Variants in ARMH4 observed in about 807,000 individuals in gnomAD.
The protein encoded by ARMH4 is armadillo-like helical domain-containing protein 4.
ARMH4 carries 49 observed loss-of-function variants against 61.9 expected under a neutral mutation model. The ratio of observed to expected loss-of-function variants is 0.79; its 90% CI spans 0.63 to 1.00. ARMH4 has a LOEUF of 1.00. ARMH4 is among the 50% of genes least tolerant of loss of function. ARMH4 has a pLI of 0.00. For synonymous variants in ARMH4, 368 were observed against 341.5 expected (o/e 1.08, Z -0.85); for missense variants, 934 against 930.0 (o/e 1.00, Z -0.06).
Position 58,087,270 on chromosome 14 carries a change from T to G in ARMH4, c.2089+9454A>C, listed in dbSNP as rs376124163. Among the ~76,000 whole-genome samples, 67 of 152,300 alleles carry G rather than the reference T, an allele frequency of 4.4e-4. 1 individual carries two copies. The South Asian group carries it at 0.01, about 23-fold the overall frequency. ...TAGGAGATCCTACGTAACCTACTAC[T>G]TATAGTATTGCTTCTGTGAACCCTG... is the stretch of plus-strand genomic sequence containing the variant. On this transcript the variant is annotated intron_variant, in intron 5 of 7. Coordinates refer to ENST00000267485, the MANE Select transcript of ARMH4 (RefSeq NM_001001872.4).
At chr14:58,094,198 T>C (rs1885669930) in intron 5 of ARMH4, among the ~76,000 whole-genome samples, 1 of 151,530 alleles carries the variant, frequency 6.6e-6, no homozygotes, top group Admixed American at 6.6e-5. Context: ...GGCATGGGAG[T>C]GGGTACCTGT....
chr14:58,045,903 G>C (rs985793726), intron 5 of ARMH4, among the ~76,000 whole-genome samples: 8 of 152,124 alleles, frequency 5.3e-5, no homozygotes, highest in African/African-American at 1.7e-4. Flanking sequence ...GCAGAGATTA[G>C]AGTGAGCAAT....
intron 5 of ARMH4, among the ~76,000 whole-genome samples, chr14:58,044,138 A>G (rs897103247): frequency 6.6e-6 from 1 of 152,186 alleles, no homozygotes; most frequent in Non-Finnish European, 1.5e-5. Context: ...TGGAACCAAA[A>G]AAGAGCCCGC....
intron 5 of ARMH4, among the ~76,000 whole-genome samples, chr14:58,071,426 A>G (rs1171794723): frequency 6.6e-6 from 1 of 152,162 alleles, no homozygotes; most frequent in Non-Finnish European, 1.5e-5. Context: ...CATGTTTCTT[A>G]TCAATATTTC....
chr14:58,024,599 T>C (rs1274756542), intron 5 of ARMH4, among the ~76,000 whole-genome samples: 2 of 152,184 alleles, frequency 1.3e-5, no homozygotes, highest in Non-Finnish European at 2.9e-5. Context: ...ACTTTTCCTT[T>C]ACATTCACAA....
At chr14:58,075,379 A>G (rs1461771853) in intron 5 of ARMH4, among the ~76,000 whole-genome samples, 2 of 152,348 alleles carry the variant, frequency 1.3e-5, no homozygotes, top group East Asian at 1.9e-4. Context: ...GATAGACTGG[A>G]TAAAGAAAAT....
chr14:58,126,517 ATGCACACATG>A (rs1340620481), intron 4 of ARMH4, among the ~76,000 whole-genome samples: 2 of 152,250 alleles, frequency 1.3e-5, no homozygotes, highest in South Asian at 2.1e-4. Context: ...ATACACATGC[ATGCACACATG>A]TGCACACATG....
rs974157902 is a variant in ARMH4 at position 58,002,653 on chromosome 14, A to G, written c.*2083T>C. The G allele has an allele frequency of 2.6e-5, 4 of 152,282 alleles. No individual in the cohort carries two copies. Among genetic ancestry groups the G allele is most frequent in the Non-Finnish European group, 4.4e-5 (3 of 68,050 alleles). 9.4% of individuals were successfully genotyped at this position (152,282 alleles called of 1,614,324 possible). The stretch of plus-strand genomic sequence containing the variant: ...AATAGTTTGTCAAGAATACAAAGAC[A>G]GTAATGCCACACCATGCTCACTTAC... On this transcript the variant is annotated 3_prime_UTR_variant, in exon 8 of 8. Transcript: ENST00000267485.
chr14:58,107,574 G>C (rs1190533843), intron 4 of ARMH4, among the ~76,000 whole-genome samples: 1 of 151,942 alleles, frequency 6.6e-6, no homozygotes, highest in Non-Finnish European at 1.5e-5. Context: ...GACCATCCTG[G>C]CTAACATGGT....
At chr14:58,050,702 A>G (rs1479325509) in intron 5 of ARMH4, among the ~76,000 whole-genome samples, 2 of 151,912 alleles carry the variant, frequency 1.3e-5, no homozygotes, top group South Asian at 2.1e-4. Flanking sequence ...AAAATTTACC[A>G]TCTTCACCAT....
At chr14:58,080,206 C>T (rs1472320005) in intron 5 of ARMH4, among the ~76,000 whole-genome samples, 4 of 151,762 alleles carry the variant, frequency 2.6e-5, no homozygotes, top group Non-Finnish European at 5.9e-5. Flanking sequence ...CTCAGCTCAC[C>T]GCAACCTCCA....
intron 5 of ARMH4, among the ~76,000 whole-genome samples, chr14:58,062,016 T>C (rs1029494881): frequency 6.6e-6 from 1 of 150,838 alleles, no homozygotes; most frequent in African/African-American, 2.4e-5. Flanking sequence ...GCTCAGAAAG[T>C]CTAGCTTCTT....
At chr14:58,044,002 A>G (rs1187298062) in intron 5 of ARMH4, among the ~76,000 whole-genome samples, 1 of 152,178 alleles carries the variant, frequency 6.6e-6, no homozygotes, top group Non-Finnish European at 1.5e-5. Context: ...ATGCTCATGG[A>G]TAGGAAGAAT....
At chr14:58,071,315 C>G (rs1884877220) in intron 5 of ARMH4, among the ~76,000 whole-genome samples, 1 of 152,008 alleles carries the variant, frequency 6.6e-6, no homozygotes, top group Admixed American at 6.6e-5. Flanking sequence ...CTTTACTCAT[C>G]CAAAAATCAG....
chr14:58,024,161 C>T (rs1009766796), intron 5 of ARMH4, among the ~76,000 whole-genome samples: 2 of 152,204 alleles, frequency 1.3e-5, no homozygotes, highest in African/African-American at 4.8e-5. Flanking sequence ...GTACTGATTT[C>T]TCTCTTGCTA....
chr14:58,080,126 T>C (rs947414018), intron 5 of ARMH4, among the ~76,000 whole-genome samples: 8 of 150,220 alleles, frequency 5.3e-5, no homozygotes, highest in Non-Finnish European at 1.2e-4. Context: ...TTTATATATA[T>C]ATATATAAAA....
At chr14:58,102,804 C>T (rs1224021477) in intron 4 of ARMH4, among the ~76,000 whole-genome samples, 8 of 111,246 alleles carry the variant, frequency 7.2e-5, no homozygotes, top group African/African-American at 2.2e-4. Flanking sequence ...GGCGACAGAG[C>T]GAGACTCCGT....
intron 5 of ARMH4, among the ~76,000 whole-genome samples, chr14:58,012,964 A>G (rs187146790): frequency 3.7e-4 from 57 of 152,378 alleles, no homozygotes; most frequent in African/African-American, 1.3e-3. Flanking sequence ...TTTCAAAGTC[A>G]TAATAATGTT....
chr14:58,036,353 C>T (rs1209376388), intron 5 of ARMH4, among the ~76,000 whole-genome samples: 33 of 70,584 alleles, frequency 4.7e-4, no homozygotes, highest in Non-Finnish European at 7.8e-4. Context: ...TTCAACAACC[C>T]TTCATGCTAA....
Sources: gnomAD v4.1 joint callset for allele counts (sites outside exome capture counted in the v4.1 genomes callset) on GRCh38, gnomAD v4.1.1 for gene constraint, MANE v1.5 for transcripts, NCBI Gene and HGNC (gene_info 2026-07-23, HGNC 2026-07-21) for gene names.